Variants in CSMD1 observed in about 807,000 individuals in gnomAD.
The protein encoded by CSMD1 is CUB and sushi domain-containing protein 1.
A neutral mutation model predicts 417.5 loss-of-function variants in CSMD1; 213 were observed. The observed-to-expected ratio is 0.51, with a 90% confidence interval of 0.46 to 0.57. The LOEUF (loss-of-function observed/expected upper bound fraction) is 0.57, where lower values mean the gene tolerates loss of function less well. CSMD1 is among the 20% of genes least tolerant of loss of function. The pLI is 0.00. For missense variants in CSMD1, 6,923 were observed against 4,529.7 expected (o/e 1.53, Z -15.17); for synonymous variants, 2,862 against 1,736.8 (o/e 1.65, Z -16.11).
chr8:4,179,594 A>G (rs144243508), intron 3 of CSMD1, among the ~76,000 whole-genome samples: 2,111 of 151,660 alleles, frequency 0.014, 44 homozygotes, highest in African/African-American at 0.047. Context: ...TAATTAAACT[A>G]TAGAGCTTCT....
At chr8:3,594,231 G>A (rs17066492) in intron 8 of CSMD1, among the ~76,000 whole-genome samples, 1,628 of 152,194 alleles carry the variant, frequency 0.011, 33 homozygotes, top group African/African-American at 0.033. Context: ...GCCCTGGACC[G>A]TATTAATGAG....
intron 3 of CSMD1, among the ~76,000 whole-genome samples, chr8:4,326,125 G>C (rs1214764975): frequency 1.3e-5 from 2 of 152,138 alleles, no homozygotes; most frequent in African/African-American, 4.8e-5. Context: ...CCTACCGTCA[G>C]CGTTTCTGAA....
intron 3 of CSMD1, among the ~76,000 whole-genome samples, chr8:4,202,543 G>A (rs1047483511): frequency 6.6e-6 from 1 of 152,110 alleles, no homozygotes; most frequent in Admixed American, 6.5e-5. Context: ...CTATTTGTCA[G>A]GACATCAGCC....
chr8:4,305,450 C>T (rs546702353), intron 3 of CSMD1, among the ~76,000 whole-genome samples: 48 of 152,284 alleles, frequency 3.2e-4, no homozygotes, highest in African/African-American at 1.1e-3. Flanking sequence ...AGGTAAGCCA[C>T]TGAGCAGCTG....
At chr8:4,856,101 G>A (rs1249922645) in intron 1 of CSMD1, among the ~76,000 whole-genome samples, 3 of 152,032 alleles carry the variant, frequency 2.0e-5, no homozygotes, top group African/African-American at 4.8e-5. Context: ...GAGAGTGGGG[G>A]CCAATATTCA....
intron 1 of CSMD1, among the ~76,000 whole-genome samples, chr8:4,939,355 C>T (rs1807829149): frequency 6.6e-6 from 1 of 152,198 alleles, no homozygotes; most frequent in Non-Finnish European, 1.5e-5. Context: ...GCTCATGTCT[C>T]TAGCAGCACT....
intron 2 of CSMD1, among the ~76,000 whole-genome samples, chr8:4,576,643 T>A (rs759220070): frequency 6.6e-6 from 1 of 152,278 alleles, no homozygotes; most frequent in Admixed American, 6.5e-5. Flanking sequence ...TAAATAAATA[T>A]TTTTGGATAC....
At chr8:3,750,704 T>C (rs1490201848) in intron 6 of CSMD1, among the ~76,000 whole-genome samples, 2 of 152,140 alleles carry the variant, frequency 1.3e-5, no homozygotes, top group African/African-American at 2.4e-5. Context: ...AGGAACAAAC[T>C]TGATGATCTT....
intron 3 of CSMD1, among the ~76,000 whole-genome samples, chr8:4,219,421 T>C (rs1181037015): frequency 6.6e-6 from 1 of 152,216 alleles, no homozygotes; most frequent in Non-Finnish European, 1.5e-5. Flanking sequence ...GCCTCCATGG[T>C]AATTGGGCTC....
intron 5 of CSMD1, among the ~76,000 whole-genome samples, chr8:3,981,500 TAA>T (rs200296436): frequency 0.21 from 24,156 of 112,802 alleles, 1,810 homozygotes; most frequent in Non-Finnish European, 0.24. Context: ...TAGAAAAAAG[TAA>T]AAAAAAAAAA....
At chr8:4,289,063 T>G (rs576021640) in intron 3 of CSMD1, among the ~76,000 whole-genome samples, 4 of 152,260 alleles carry the variant, frequency 2.6e-5, no homozygotes, top group Admixed American at 1.3e-4. Flanking sequence ...ACAGTGCACA[T>G]ATGGATGAAA....
chr8:3,136,111 T>C (rs1013862195), intron 41 of CSMD1, among the ~76,000 whole-genome samples: 1 of 152,134 alleles, frequency 6.6e-6, no homozygotes, highest in African/African-American at 2.4e-5. Flanking sequence ...CCTCATGCAT[T>C]ACATCTAGCC....
intron 39 of CSMD1, among the ~76,000 whole-genome samples, chr8:3,156,332 T>C (rs1819528924): frequency 2.0e-5 from 3 of 152,230 alleles, no homozygotes; most frequent in Admixed American, 2.0e-4. Flanking sequence ...ACTGTTATAA[T>C]GATCCAGGCT....
chr8:4,179,978 T>C (rs1293171249), intron 3 of CSMD1, among the ~76,000 whole-genome samples: 1 of 152,046 alleles, frequency 6.6e-6, no homozygotes, highest in African/African-American at 2.4e-5. Context: ...ACACTGTTAG[T>C]GGGACTGTAA....
chr8:3,411,409 C>T (rs544857315), intron 12 of CSMD1, among the ~76,000 whole-genome samples: 6 of 152,050 alleles, frequency 3.9e-5, no homozygotes, highest in Middle Eastern at 3.4e-3. Flanking sequence ...GCAGTATATG[C>T]TGCGTTCATT....
chr8:4,539,286 T>C (rs139039640), intron 2 of CSMD1, among the ~76,000 whole-genome samples: 1 of 152,214 alleles, frequency 6.6e-6, no homozygotes, highest in African/African-American at 2.4e-5. Flanking sequence ...ATAGTATGCA[T>C]ATGTGGGATG....
At chr8:4,307,777 C>T (rs1798328509) in intron 3 of CSMD1, among the ~76,000 whole-genome samples, 1 of 151,988 alleles carries the variant, frequency 6.6e-6, no homozygotes, top group Admixed American at 6.6e-5. Context: ...GGAATAAGGT[C>T]CAGAGTCAGT....
At chr8:3,192,796 A>C (rs980808095) in intron 33 of CSMD1, among the ~76,000 whole-genome samples, 1 of 152,238 alleles carries the variant, frequency 6.6e-6, no homozygotes, top group Admixed American at 6.5e-5. Flanking sequence ...TTGGTGCTCA[A>C]AACAAAGCAG....
chr8:4,646,139 G>C (rs1803502407), intron 1 of CSMD1, among the ~76,000 whole-genome samples: 1 of 152,206 alleles, frequency 6.6e-6, no homozygotes, highest in Non-Finnish European at 1.5e-5. Context: ...TTATTCTGAA[G>C]TCAATGCTAC....
Sources: gnomAD v4.1 joint callset for allele counts (sites outside exome capture counted in the v4.1 genomes callset) on GRCh38, gnomAD v4.1.1 for gene constraint, MANE v1.5 for transcripts, NCBI Gene and HGNC (gene_info 2026-07-23, HGNC 2026-07-21) for gene names.